The following LUZP2 variants were observed in gnomAD, a reference collection of about 807,000 sequenced individuals.
The protein encoded by LUZP2 is leucine zipper protein 2.
LUZP2 carries 52 observed loss-of-function variants against 51.6 expected under a neutral mutation model. The ratio of observed to expected loss-of-function variants is 1.01; its 90% CI spans 0.81 to 1.27. The LOEUF (loss-of-function observed/expected upper bound fraction) is 1.27, where lower values mean the gene tolerates loss of function less well. LUZP2 is among the 50% of genes most tolerant of loss of function. The pLI is 0.00. For missense variants in LUZP2, 436 were observed against 395.4 expected, an observed-to-expected ratio of 1.10 and a Z score of -0.87; for synonymous variants, 154 against 137.3, an observed-to-expected ratio of 1.12 and a Z score of -0.85.
At chr11:24,683,727 ACC>A (rs1311905525) in intron 1 of LUZP2, among the ~76,000 whole-genome samples, 1 of 152,142 alleles carries the variant, frequency 6.6e-6, no homozygotes, top group African/African-American at 2.4e-5. Context: ...CTTCAATGGC[ACC>A]TACACATCAC....
chr11:24,547,448 A>T (rs1851591748), intron 1 of LUZP2, among the ~76,000 whole-genome samples: 1 of 151,694 alleles, frequency 6.6e-6, no homozygotes, highest in African/African-American at 2.4e-5. Context: ...GACAAAGCCA[A>T]CAATAACAAG....
intron 10 of LUZP2, among the ~76,000 whole-genome samples, chr11:25,074,210 A>G (rs946642030): frequency 1.3e-5 from 2 of 152,164 alleles, no homozygotes; most frequent in African/African-American, 4.8e-5. Flanking sequence ...TTTGTGCCTC[A>G]TCATATTGAG....
intron 7 of LUZP2, among the ~76,000 whole-genome samples, chr11:24,943,016 A>G (rs1854797208): frequency 6.6e-6 from 1 of 152,184 alleles, no homozygotes; most frequent in South Asian, 2.1e-4. Flanking sequence ...GGTATAGTAA[A>G]ATACCCTGAA....
chr11:24,982,961 T>C (rs939663619), intron 8 of LUZP2, among the ~76,000 whole-genome samples, 165 bp from the exon 9 acceptor site: 7 of 151,806 alleles, frequency 4.6e-5, no homozygotes, highest in African/African-American at 1.7e-4. Flanking sequence ...AGACTGAGTG[T>C]GGATATAAAA....
At chr11:24,542,036 A>T (rs976374610) in intron 1 of LUZP2, among the ~76,000 whole-genome samples, 1 of 152,146 alleles carries the variant, frequency 6.6e-6, no homozygotes, top group Admixed American at 6.6e-5. Context: ...ATGAATTCTT[A>T]TTGAACTTAG....
At chr11:24,519,001 T>G (rs953744788) in intron 1 of LUZP2, among the ~76,000 whole-genome samples, 2 of 152,214 alleles carry the variant, frequency 1.3e-5, no homozygotes, top group African/African-American at 4.8e-5. Context: ...GACAGTCAGC[T>G]ATGAAAGTCC....
intron 5 of LUZP2, among the ~76,000 whole-genome samples, chr11:24,836,606 A>T (rs754448556): frequency 6.6e-6 from 1 of 152,012 alleles, no homozygotes; most frequent in Admixed American, 6.6e-5. Flanking sequence ...TCAAAGCTGC[A>T]TAACTTGAAC....
intron 9 of LUZP2, among the ~76,000 whole-genome samples, chr11:25,008,497 A>G (rs1474157949): frequency 2.0e-5 from 3 of 152,164 alleles, no homozygotes; most frequent in Non-Finnish European, 4.4e-5. Context: ...ATAAGGGCCT[A>G]TCACGGCTCA....
At chr11:24,797,272 A>G (rs1350953606) in intron 5 of LUZP2, among the ~76,000 whole-genome samples, 1 of 152,126 alleles carries the variant, frequency 6.6e-6, no homozygotes, top group African/African-American at 2.4e-5. Context: ...GAGTCATTTG[A>G]CTCAGGATTT....
At chr11:24,580,277 G>C (rs1590204111) in intron 1 of LUZP2, among the ~76,000 whole-genome samples, 1 of 152,036 alleles carries the variant, frequency 6.6e-6, no homozygotes, top group East Asian at 1.9e-4. Flanking sequence ...GCTGTTTAAG[G>C]ACATCATTGT....
intron 1 of LUZP2, among the ~76,000 whole-genome samples, chr11:24,605,247 C>T (rs1283388054): frequency 6.6e-6 from 1 of 151,568 alleles, no homozygotes; most frequent in African/African-American, 2.4e-5. Flanking sequence ...TTAATCTGAG[C>T]CATTTTACAT....
At chr11:24,920,722 A>C (rs1854023160) in intron 7 of LUZP2, among the ~76,000 whole-genome samples, 1 of 152,010 alleles carries the variant, frequency 6.6e-6, no homozygotes, top group Non-Finnish European at 1.5e-5. Context: ...GTTCTCACTT[A>C]AAAATGGAAG....
chr11:24,721,859 A>T (rs1270727573), intron 1 of LUZP2, among the ~76,000 whole-genome samples: 1 of 152,202 alleles, frequency 6.6e-6, no homozygotes, highest in East Asian at 1.9e-4. Context: ...AACAAAATTT[A>T]AACTTTTAGA....
intron 1 of LUZP2, among the ~76,000 whole-genome samples, chr11:24,595,858 C>T (rs1286707328): frequency 6.6e-6 from 1 of 152,166 alleles, no homozygotes; most frequent in East Asian, 1.9e-4. Context: ...TAGGACAAGC[C>T]TCTGCTCCTG....
chr11:24,667,184 C>CTTTTTTTTTTTTT (rs199740839), intron 1 of LUZP2, among the ~76,000 whole-genome samples: 2 of 132,056 alleles, frequency 1.5e-5, no homozygotes, highest in African/African-American at 2.9e-5. Context: ...TTCTTTTTTT[C>CTTTTTTTTTTTTT]TTTTTTTTTT....
intron 4 of LUZP2, among the ~76,000 whole-genome samples, chr11:24,760,282 G>A (rs2716529): frequency 0.46 from 69,805 of 151,774 alleles, 16,782 homozygotes; most frequent in Non-Finnish European, 0.54. Context: ...TAAGGTCTCC[G>A]TTTTAATGTT....
intron 4 of LUZP2, among the ~76,000 whole-genome samples, chr11:24,758,109 T>C (rs1346435630): frequency 6.6e-6 from 1 of 152,094 alleles, no homozygotes; most frequent in Non-Finnish European, 1.5e-5. Context: ...TAAATAAACT[T>C]ATAGGCATAT....
intron 10 of LUZP2, among the ~76,000 whole-genome samples, chr11:25,060,485 C>T (rs777312435): frequency 9.9e-5 from 15 of 152,114 alleles, no homozygotes; most frequent in Non-Finnish European, 1.6e-4. Flanking sequence ...ATAAATTTTG[C>T]GGGGACATAA....
chr11:24,822,913 A>G (rs978475588), intron 5 of LUZP2, among the ~76,000 whole-genome samples: 2 of 152,178 alleles, frequency 1.3e-5, no homozygotes, highest in East Asian at 1.9e-4. Flanking sequence ...CATTTTTTCT[A>G]TAAGTGAAGA....
Sources: gnomAD v4.1 joint callset for allele counts (sites outside exome capture counted in the v4.1 genomes callset) on GRCh38, gnomAD v4.1.1 for gene constraint, MANE v1.5 for transcripts, NCBI Gene and HGNC (gene_info 2026-07-23, HGNC 2026-07-21) for gene names.